ASAP2: variants seen among roughly 807,000 people sequenced by gnomAD.
The protein encoded by ASAP2 is ArfGAP with SH3 domain, ankyrin repeat and PH domain 2.
Under a neutral mutation model 131.4 loss-of-function variants are expected in ASAP2, and 45 were observed. That is an observed-to-expected ratio of 0.34 (90% CI 0.27 to 0.44). ASAP2 has a LOEUF of 0.44. Among genes scored for constraint, ASAP2 ranks in the 20% least tolerant of loss-of-function variants. The pLI is 1.00. For missense variants in ASAP2, 1,011 were observed against 1,297.0 expected (o/e 0.78, Z 3.39); for synonymous variants, 510 against 503.0 (o/e 1.01, Z -0.19).
chr2:9,345,615 A>T (rs1428450011), intron 11 of ASAP2, among the ~76,000 whole-genome samples: 1 of 152,062 alleles, frequency 6.6e-6, no homozygotes, highest in Non-Finnish European at 1.5e-5. Flanking sequence ...TGCTAGAGAG[A>T]TGCTGAGGGT....
intron 16 of ASAP2, among the ~76,000 whole-genome samples, chr2:9,373,082 C>T (rs1028658046): frequency 2.0e-5 from 3 of 152,146 alleles, no homozygotes; most frequent in South Asian, 2.1e-4. Flanking sequence ...CAGCCAGCAC[C>T]GCAGTGAGCT....
chr2:9,387,089 C>A (rs1661631314), intron 21 of ASAP2, among the ~76,000 whole-genome samples: 1 of 150,950 alleles, frequency 6.6e-6, no homozygotes, highest in Admixed American at 6.6e-5. Context: ...GGGGGGGCGC[C>A]TGTAGTCCCA....
chr2:9,376,029 A>C (rs935740945), intron 17 of ASAP2, among the ~76,000 whole-genome samples: 1 of 152,206 alleles, frequency 6.6e-6, no homozygotes, highest in African/African-American at 2.4e-5. Flanking sequence ...GTAGATGCAC[A>C]TTTGGTCCCC....
chr2:9,344,473 G>T (rs1286544335), intron 9 of ASAP2, 59 bp from the exon 10 acceptor site: 3 of 1,441,448 alleles, frequency 2.1e-6, no homozygotes, highest in Non-Finnish European at 2.9e-6. Context: ...TTTGTGTACT[G>T]CTTTTCTAAA....
chr2:9,350,578 G>A (rs941675893), intron 11 of ASAP2: 9 of 439,730 alleles, frequency 2.0e-5, no homozygotes, highest in African/African-American at 1.8e-4. Flanking sequence ...GTGGGTTTGT[G>A]TAGACCACCA....
intron 25 of ASAP2, 148 bp downstream of exon 25, chr2:9,400,220 C>CCCCTCCTCCCCTCATG: frequency 6.4e-6 from 3 of 470,414 alleles, no homozygotes; most frequent in South Asian, 2.4e-5. Flanking sequence ...CCTGCCCCCT[C>CCCCTCCTCCCCTCATG]CCCTCCTGCC....
At chr2:9,318,672 C>A in intron 4 of ASAP2, 74 bp downstream of exon 4, 1 of 972,728 alleles carries the variant, frequency 1.0e-6, no homozygotes, top group Non-Finnish European at 1.6e-6. Flanking sequence ...GCCTGCCGGG[C>A]AGCAGCCACG....
chr2:9,368,361 G>A, intron 15 of ASAP2, 64 bp from the exon 16 acceptor site: 1 of 1,384,734 alleles, frequency 7.2e-7, no homozygotes, highest in Non-Finnish European at 1.0e-6. Context: ...ATGGGGATGG[G>A]TAATGTGTAG....
chr2:9,346,155 C>A (rs937607645), intron 11 of ASAP2, among the ~76,000 whole-genome samples: 2 of 152,106 alleles, frequency 1.3e-5, no homozygotes, highest in African/African-American at 4.8e-5. Flanking sequence ...TGGGCAGGTG[C>A]AGTGGCTCAA....
intron 20 of ASAP2, among the ~76,000 whole-genome samples, chr2:9,384,648 A>G (rs1558390300): frequency 6.6e-6 from 1 of 152,232 alleles, no homozygotes; most frequent in East Asian, 1.9e-4. Flanking sequence ...TATAAAGGAT[A>G]TTGCAAAGCA....
In ASAP2 at chr2:9,294,513, A is replaced by G. The variant is rs7571556; in HGVS notation, c.200-2787A>G. Among the ~76,000 whole-genome samples, 839 of 152,278 alleles carry G rather than the reference A, an allele frequency of 5.5e-3. 7 individuals are homozygous for G. Among genetic ancestry groups the G allele is most frequent in the African/African-American group, 0.015 (616 of 41,546 alleles). Reference sequence around the variant, plus strand: ...GTCCATAAAGTGCACCGATCCTCCTACCAACTCTATGGTCTGGGGCAGGTG... The same window carrying G: ...GTCCATAAAGTGCACCGATCCTCCTGCCAACTCTATGGTCTGGGGCAGGTG... On this transcript the variant is annotated intron_variant, in intron 2 of 27. Transcript: ENST00000281419.
At chr2:9,387,853 A>G (rs1675401720) in intron 21 of ASAP2, among the ~76,000 whole-genome samples, 1 of 152,220 alleles carries the variant, frequency 6.6e-6, no homozygotes. Flanking sequence ...GGAAACATAC[A>G]ATCATGGCAG....
intron 6 of ASAP2, among the ~76,000 whole-genome samples, chr2:9,327,063 C>T (rs188554059): frequency 1.3e-5 from 2 of 152,316 alleles, no homozygotes; most frequent in East Asian, 3.9e-4. Context: ...AGTTTCACAG[C>T]AGCTTTCCAC....
intron 3 of ASAP2, among the ~76,000 whole-genome samples, chr2:9,301,820 C>CT (rs1177064910): frequency 0.092 from 10,578 of 115,404 alleles, 791 homozygotes; most frequent in Middle Eastern, 0.12. Flanking sequence ...TATCCATCAT[C>CT]TTTTTTTTTT....
At chr2:9,351,113 G>A (rs74873794) in intron 12 of ASAP2, among the ~76,000 whole-genome samples, 3 of 152,214 alleles carry the variant, frequency 2.0e-5, no homozygotes, top group African/African-American at 7.2e-5. Context: ...CTGCTCCTTG[G>A]GGGCACTGTA....
chr2:9,262,727 C>T (rs953536264), intron 1 of ASAP2, among the ~76,000 whole-genome samples: 13 of 152,158 alleles, frequency 8.5e-5, no homozygotes, highest in Admixed American at 6.5e-5. Context: ...CAAATGTGAC[C>T]GCTAGTGGAC....
chr2:9,239,399 T>G (rs1663781025), intron 1 of ASAP2, among the ~76,000 whole-genome samples: 1 of 152,146 alleles, frequency 6.6e-6, no homozygotes, highest in African/African-American at 2.4e-5. Flanking sequence ...TAATTATGAT[T>G]GTTGACCTTT....
intron 3 of ASAP2, among the ~76,000 whole-genome samples, chr2:9,303,409 ATGC>A (rs1668621666): frequency 6.6e-6 from 1 of 152,138 alleles, no homozygotes; most frequent in South Asian, 2.1e-4. Context: ...CTGTTTCACG[ATGC>A]TGCGAGCTGA....
At chr2:9,325,558 G>A (rs10181704) in intron 6 of ASAP2, among the ~76,000 whole-genome samples, 43 of 152,140 alleles carry the variant, frequency 2.8e-4, no homozygotes, top group African/African-American at 9.6e-4. Flanking sequence ...CTTAAAATGC[G>A]TACTGAATTT....
Sources: gnomAD v4.1 joint callset for allele counts (sites outside exome capture counted in the v4.1 genomes callset) on GRCh38, gnomAD v4.1.1 for gene constraint, MANE v1.5 for transcripts, NCBI Gene and HGNC (gene_info 2026-07-23, HGNC 2026-07-21) for gene names.